The following IGSF5 variants were observed in gnomAD, a reference collection of about 807,000 sequenced individuals.
IGSF5 encodes the protein immunoglobulin superfamily member 5, also known as immunoglobulin superfamily 5 like.
IGSF5 carries 41 observed loss-of-function variants against 39.4 expected under a neutral mutation model. The ratio of observed to expected loss-of-function variants is 1.04; its 90% confidence interval spans 0.81 to 1.35. The LOEUF (loss-of-function observed/expected upper bound fraction) is 1.35, where lower values mean the gene tolerates loss of function less well. Ranked by LOEUF, IGSF5 falls within the 40% of genes most tolerant of loss-of-function variation. IGSF5 has a pLI of 0.00. For missense variants in IGSF5, 487 were observed against 494.6 expected, an observed-to-expected ratio of 0.98 and a Z score of 0.15; for synonymous variants, 183 against 175.3, an observed-to-expected ratio of 1.04 and a Z score of -0.34.
chr21:39,746,954 G>A (rs1052904698), intron 2 of IGSF5, among the ~76,000 whole-genome samples: 2 of 152,200 alleles, frequency 1.3e-5, no homozygotes, highest in Admixed American at 6.5e-5. Context: ...ACCCCAGCAT[G>A]CCCTAAGGAA....
At chr21:39,779,387 T>C in intron 5 of IGSF5, 82 bp downstream of exon 5, 1 of 1,504,930 alleles carries the variant, frequency 6.6e-7, no homozygotes, top group Non-Finnish European at 9.0e-7. Context: ...TCATCAGCTC[T>C]TTCAAAAGAT....
the IGSF5 span, chr21:39,729,603 C>G: frequency 6.6e-6 from 1 of 152,144 alleles, no homozygotes; most frequent in African/African-American, 2.4e-5. Context: ...GTGGAGATTG[C>G]CGATTGGACT....
chr21:39,788,278 G>A (rs1433922460), intron 6 of IGSF5, 90 bp downstream of exon 6: 18 of 937,438 alleles, frequency 1.9e-5, no homozygotes, highest in South Asian at 7.5e-5. Flanking sequence ...ACACAACTGC[G>A]GGATTTTTGG....
Position 39,771,140 on chromosome 21 carries a change from T to G in IGSF5, c.643T>G (p.Cys215Gly). ...CCCACAGAGCAATGGGACTTTGACTTGCGTGGCTACCTGGAAGAGCCTGAA... is the reference window on the plus strand; with the variant it reads ...CCCACAGAGCAATGGGACTTTGACTGGCGTGGCTACCTGGAAGAGCCTGAA... Reference protein sequence around the residue: ...LTPQSNGTLTCVATWKSLKAR... With the variant: ...LTPQSNGTLTGVATWKSLKAR... The change falls in exon 4 of 9, where the codon TGC becomes GGC. Residue 215 changes from cysteine to glycine, a missense_variant. Cys to Gly is a radical substitution (Grantham distance 159). Coordinates refer to ENST00000380588, the MANE Select transcript of IGSF5 (RefSeq NM_001080444.2). 1.2e-6 allele frequency: 2 copies of G among 1,609,488 alleles called. No homozygotes were observed. The highest frequency in any genetic ancestry group is 1.7e-4 in the Middle Eastern group (1 of 6,054).
chr21:39,753,358 A>G (rs886421193), intron 2 of IGSF5, among the ~76,000 whole-genome samples: 6 of 152,132 alleles, frequency 3.9e-5, no homozygotes, highest in Admixed American at 3.9e-4. Context: ...CTATGTGCCT[A>G]TTTTTATACC....
intron 4 of IGSF5, among the ~76,000 whole-genome samples, chr21:39,774,630 AGTGAGGC>A (rs1259696689): frequency 2.6e-5 from 4 of 152,210 alleles, no homozygotes; most frequent in Admixed American, 1.3e-4. Context: ...AAAACTGGAG[AGTGAGGC>A]CGTCTCACCC....
At chr21:39,747,433 C>A (rs2079980766) in intron 2 of IGSF5, among the ~76,000 whole-genome samples, 1 of 66,284 alleles carries the variant, frequency 1.5e-5, no homozygotes, top group South Asian at 5.5e-4. Flanking sequence ...TATCACCTGG[C>A]CACATGGCCT....
At chr21:39,780,403 A>G (rs2080164435) in intron 5 of IGSF5, among the ~76,000 whole-genome samples, 1 of 152,172 alleles carries the variant, frequency 6.6e-6, no homozygotes, top group Admixed American at 6.5e-5. Flanking sequence ...TGCCTTTCTC[A>G]CCAAAGACAC....
chr21:39,789,647 A>C (rs2086949439), intron 6 of IGSF5, among the ~76,000 whole-genome samples: 2 of 152,188 alleles, frequency 1.3e-5, no homozygotes, highest in African/African-American at 4.8e-5. Flanking sequence ...AAATCAATGC[A>C]TGTTTATTTT....
At chr21:39,716,412 T>C in the IGSF5 span, among the ~76,000 whole-genome samples, 1 of 152,120 alleles carries the variant, frequency 6.6e-6, no homozygotes, top group African/African-American at 2.4e-5. Flanking sequence ...ACACGTGTCA[T>C]GGGGGCTTGT....
At chr21:39,745,157 A>ATCTCTC (rs35473597), upstream of IGSF5, among the ~76,000 whole-genome samples, 581 of 145,738 alleles carry the variant, frequency 4.0e-3, 1 homozygote, top group Non-Finnish European at 6.3e-3. Flanking sequence ...CTCTCTCTTC[A>ATCTCTC]TCTCTCTCTC....
intron 5 of IGSF5, 93 bp downstream of exon 5, chr21:39,779,398 A>G: frequency 6.9e-7 from 1 of 1,447,998 alleles, no homozygotes; most frequent in African/African-American, 1.4e-5. Flanking sequence ...TTCAAAAGAT[A>G]GATTAACTAC....
At chr21:39,748,120 G>T (rs1453770422) in intron 2 of IGSF5, among the ~76,000 whole-genome samples, 1 of 152,048 alleles carries the variant, frequency 6.6e-6, no homozygotes, top group East Asian at 1.9e-4. Flanking sequence ...ACTAGAAGCA[G>T]GGTGGGTTAA....
chr21:39,770,843 A>AG, intron 3 of IGSF5, 73 bp from the exon 4 acceptor site: 4 of 913,836 alleles, frequency 4.4e-6, no homozygotes, highest in Non-Finnish European at 5.8e-6. Flanking sequence ...AAAAAAAAAG[A>AG]AAAAAAAAAA....
At chr21:39,733,464 A>G in the IGSF5 span, among the ~76,000 whole-genome samples, 2 of 152,262 alleles carry the variant, frequency 1.3e-5, no homozygotes, top group Admixed American at 6.5e-5. Context: ...AGTGTTTAAT[A>G]ATAGTTCTTT....
Position 39,802,028 on chromosome 21 carries a change from A to T in IGSF5, c.*671A>T, listed in dbSNP as rs898290679. ...ACCTCACCTACTCCGCACACCGTGA[A>T]AAAACTGGAAATGGGCATTGTAGTC... On this transcript the variant is annotated 3_prime_UTR_variant, in exon 9 of 9. Coordinates refer to ENST00000380588, the MANE Select transcript of IGSF5 (RefSeq NM_001080444.2). The T allele has an allele frequency of 3.9e-5, 6 of 152,252 alleles. No individual in the cohort carries two copies. Among genetic ancestry groups the T allele is most frequent in the African/African-American group, 1.4e-4 (6 of 41,470 alleles). The allele number at this position is 152,252 out of a possible 1,614,324, so 9.4% of individuals were successfully genotyped here.
intron 4 of IGSF5, among the ~76,000 whole-genome samples, chr21:39,773,834 T>G (rs1295281119): frequency 1.3e-5 from 2 of 152,242 alleles, no homozygotes; most frequent in Non-Finnish European, 2.9e-5. Flanking sequence ...TAAAATGGAC[T>G]GGTTAAAGCA....
chr21:39,722,438 A>G, the IGSF5 span: 1 of 152,188 alleles, frequency 6.6e-6, no homozygotes, highest in Non-Finnish European at 1.5e-5. Context: ...AAACTTTAAG[A>G]GCAGCCCATG....
intron 7 of IGSF5, among the ~76,000 whole-genome samples, chr21:39,793,002 C>T (rs545542707): frequency 2.0e-5 from 2 of 102,530 alleles, no homozygotes; most frequent in Admixed American, 1.7e-4. Flanking sequence ...CTATTTTCAG[C>T]AGCCCCATTT....
Sources: gnomAD v4.1 joint callset for allele counts (sites outside exome capture counted in the v4.1 genomes callset) on GRCh38, gnomAD v4.1.1 for gene constraint, MANE v1.5 for transcripts, NCBI Gene and HGNC (gene_info 2026-07-23, HGNC 2026-07-21) for gene names.